Variants in TANC2 observed in about 807,000 individuals in gnomAD.
The protein encoded by TANC2 is tetratricopeptide repeat, ankyrin repeat and coiled-coil containing 2.
Under a neutral mutation model 210.5 loss-of-function variants are expected in TANC2, and 26 were observed. The observed-to-expected ratio is 0.12, with a 90% CI of 0.09 to 0.17. TANC2 has a LOEUF of 0.17. TANC2 is among the 10% of genes least tolerant of loss of function. The pLI is 1.00. For missense variants in TANC2, 2,129 were observed against 2,608.9 expected, an observed-to-expected ratio of 0.82 and a Z score of 4.01; for synonymous variants, 931 against 967.1, an observed-to-expected ratio of 0.96 and a Z score of 0.69.
intron 14 of TANC2, among the ~76,000 whole-genome samples, chr17:63,359,349 T>C (rs77919972): frequency 9.5e-6 from 1 of 105,658 alleles, no homozygotes; most frequent in African/African-American, 9.4e-5. Flanking sequence ...TGCACCAGCA[T>C]TTTTTTTTTT....
chr17:63,039,759 T>A (rs187893172), intron 2 of TANC2, among the ~76,000 whole-genome samples: 3 of 152,292 alleles, frequency 2.0e-5, no homozygotes, highest in Non-Finnish European at 4.4e-5. Flanking sequence ...TAATATTTGA[T>A]TCTGGCCAGT....
At chr17:63,155,581 T>C (rs1447603590) in intron 5 of TANC2, among the ~76,000 whole-genome samples, 3 of 152,186 alleles carry the variant, frequency 2.0e-5, no homozygotes, top group Non-Finnish European at 2.9e-5. Context: ...TATATGTGCA[T>C]GAAAGGTTAA....
chr17:63,223,530 G>A (rs1166869747), intron 7 of TANC2, among the ~76,000 whole-genome samples: 1 of 152,076 alleles, frequency 6.6e-6, no homozygotes, highest in Non-Finnish European at 1.5e-5. Context: ...CACAGCTGCA[G>A]TGTACATTGC....
At chr17:63,207,284 C>T (rs1413604434) in intron 7 of TANC2, among the ~76,000 whole-genome samples, 4 of 140,950 alleles carry the variant, frequency 2.8e-5, no homozygotes, top group South Asian at 2.2e-4. Context: ...TGCGCAGTCT[C>T]GGCTCACTGC....
chr17:63,319,422 GCAGCCTCCA>G (rs914666189), intron 11 of TANC2, among the ~76,000 whole-genome samples: 1 of 152,200 alleles, frequency 6.6e-6, no homozygotes, highest in Non-Finnish European at 1.5e-5. Flanking sequence ...TCAGCTCACT[GCAGCCTCCA>G]CTTCCCAGGT....
chr17:63,093,672 A>T (rs533884073), intron 3 of TANC2, among the ~76,000 whole-genome samples: 7 of 152,278 alleles, frequency 4.6e-5, no homozygotes, highest in Middle Eastern at 3.4e-3. Flanking sequence ...CTATATTTCC[A>T]TTGGGATTGC....
intron 12 of TANC2, among the ~76,000 whole-genome samples, chr17:63,348,467 C>T (rs1385573067): frequency 6.6e-6 from 1 of 152,116 alleles, no homozygotes; most frequent in African/African-American, 2.4e-5. Flanking sequence ...AGCAGTGGCT[C>T]CTAAGCACCA....
intron 3 of TANC2, among the ~76,000 whole-genome samples, chr17:63,098,511 GTGTGTATA>G (rs1567721266): frequency 1.4e-5 from 1 of 72,618 alleles, no homozygotes; most frequent in Admixed American, 1.2e-4. Flanking sequence ...CTCTCTCTCT[GTGTGTATA>G]TATATATATA....
At chr17:63,393,627 T>C (rs1444907764) in intron 17 of TANC2, 2 of 152,198 alleles carry the variant, frequency 1.3e-5, no homozygotes, top group Admixed American at 1.3e-4. Context: ...GAAGTTACTG[T>C]TTTTCCTTTT....
chr17:63,291,183 C>T (rs117460455), intron 9 of TANC2, among the ~76,000 whole-genome samples: 3,159 of 152,258 alleles, frequency 0.021, 42 homozygotes, highest in South Asian at 0.038. Context: ...TCTTCCCTCT[C>T]GTTATTTAAT....
At chr17:63,205,267 A>G (rs1373422815) in intron 7 of TANC2, among the ~76,000 whole-genome samples, 1 of 150,848 alleles carries the variant, frequency 6.6e-6, no homozygotes, top group Non-Finnish European at 1.5e-5. Flanking sequence ...TCTACCATAT[A>G]CAAAAATTAA....
intron 2 of TANC2, among the ~76,000 whole-genome samples, chr17:63,028,554 T>C (rs531613221): frequency 6.6e-6 from 1 of 152,194 alleles, no homozygotes; most frequent in South Asian, 2.1e-4. Context: ...GGTTGGTTGG[T>C]TCAGATTTGC....
chr17:63,014,372 A>G (rs750968003), intron 2 of TANC2, among the ~76,000 whole-genome samples: 33 of 152,306 alleles, frequency 2.2e-4, no homozygotes, highest in Middle Eastern at 3.4e-3. Flanking sequence ...CTCAGAGACA[A>G]TGTCCACTGT....
In TANC2 at chr17:63,098,484, A is replaced by ACACACT. The variant is rs1360911153; in HGVS notation, c.140-690_140-689insACACTC. Among the ~76,000 whole-genome samples the ACACACT allele has an allele frequency of 6.9e-5, 5 of 72,338 alleles. 1 individual carries two copies. The highest frequency in any genetic ancestry group is 3.1e-4 in the African/African-American group (5 of 15,892). 47.5% of individuals were successfully genotyped at this position (72,338 alleles called of 152,430 possible). A position where few individuals can be genotyped will look rare whatever the true frequency, so the allele number is the denominator to read the frequency against. On this transcript the variant is annotated intron_variant, in intron 3 of 27. Coordinates refer to ENST00000689528, the Ensembl canonical transcript of TANC2. ...CACACACACACACACACACACATAC[A>ACACACT]CTCTCTCTCTCTCTCTCTCTCTCTC...
chr17:63,183,984 T>C (rs987773270), intron 5 of TANC2, among the ~76,000 whole-genome samples: 16 of 150,514 alleles, frequency 1.1e-4, no homozygotes, highest in African/African-American at 3.2e-4. Context: ...GCCACTGCAC[T>C]CCAACCTGGG....
At chr17:63,093,882 G>T (rs1425824056) in intron 3 of TANC2, among the ~76,000 whole-genome samples, 3 of 152,088 alleles carry the variant, frequency 2.0e-5, no homozygotes, top group Non-Finnish European at 2.9e-5. Context: ...CCAAGTAGTA[G>T]CTGGGACTAC....
chr17:63,221,425 A>G (rs2042186343), intron 7 of TANC2, among the ~76,000 whole-genome samples: 1 of 145,370 alleles, frequency 6.9e-6, no homozygotes, highest in Non-Finnish European at 1.5e-5. Flanking sequence ...CCTGGGCAAC[A>G]GAGTGAGACT....
chr17:63,277,020 G>A (rs1433854583), intron 9 of TANC2, among the ~76,000 whole-genome samples: 1 of 152,092 alleles, frequency 6.6e-6, no homozygotes, highest in Admixed American at 6.6e-5. Context: ...CAGGAGCTGT[G>A]GTCAGAGAGG....
chr17:63,132,694 A>C (rs1412711885), intron 4 of TANC2, among the ~76,000 whole-genome samples: 1 of 152,206 alleles, frequency 6.6e-6, no homozygotes, highest in African/African-American at 2.4e-5. Flanking sequence ...TCCTCTTACA[A>C]ATAATAGAAA....
Sources: gnomAD v4.1 joint callset for allele counts (sites outside exome capture counted in the v4.1 genomes callset) on GRCh38, gnomAD v4.1.1 for gene constraint, MANE v1.5 for transcripts, NCBI Gene and HGNC (gene_info 2026-07-23, HGNC 2026-07-21) for gene names.